CORO2B: variants seen among roughly 807,000 people sequenced by gnomAD.
CORO2B encodes the protein coronin-2B.
A neutral mutation model predicts 58.8 loss-of-function variants in CORO2B; 26 were observed. The observed-to-expected ratio is 0.44, with a 90% CI of 0.32 to 0.61. The LOEUF is 0.61. CORO2B is among the 20% of genes least tolerant of loss of function. CORO2B has a pLI of 0.04. For missense variants in CORO2B, 460 were observed against 645.1 expected (o/e 0.71, Z 3.11); for synonymous variants, 242 against 253.8 (o/e 0.95, Z 0.44).
intron 1 of CORO2B, among the ~76,000 whole-genome samples, chr15:68,580,048 G>C (rs1899387742): frequency 6.6e-6 from 1 of 152,252 alleles, no homozygotes. Flanking sequence ...AGGGAGACCT[G>C]AGTTCAATCC....
At position 68,688,268 on chromosome 15, in the gene CORO2B, A is replaced by C. The variant is rs575166228; in HGVS notation, c.217-6872A>C. ...TGGAAGCTGCTAGTAATATCCAACT[A>C]TTCAGATGTTGTCACTATTAGCATT... On this transcript the variant is annotated intron_variant, in intron 2 of 11. Transcript: ENST00000261861. 4.6e-5 allele frequency among the ~76,000 whole-genome samples: 7 copies of C among 152,338 alleles called. No homozygotes were observed. The South Asian group carries it at 1.5e-3, about 32-fold the overall frequency.
the CORO2B span, among the ~76,000 whole-genome samples, chr15:68,538,503 GC>G: frequency 1.1e-3 from 172 of 152,310 alleles, no homozygotes; most frequent in African/African-American, 4.0e-3. Context: ...CCTGGGCGTT[GC>G]CCTGGCATCC....
At chr15:68,714,178 A>T (rs948143166) in intron 6 of CORO2B, 137 bp downstream of exon 6, 1 of 632,312 alleles carries the variant, frequency 1.6e-6, no homozygotes, top group Admixed American at 2.9e-5. Flanking sequence ...TCAGACAGAG[A>T]CCCCCAGAGG....
chr15:68,704,094 G>A (rs1005710155), intron 3 of CORO2B, among the ~76,000 whole-genome samples: 6 of 149,938 alleles, frequency 4.0e-5, no homozygotes, highest in Non-Finnish European at 7.4e-5. Context: ...ACAAATATTA[G>A]CTGGTCATGG....
At chr15:68,532,692 A>C in the CORO2B span, among the ~76,000 whole-genome samples, 1 of 152,186 alleles carries the variant, frequency 6.6e-6, no homozygotes, top group Non-Finnish European at 1.5e-5. Flanking sequence ...AGTAATTTTT[A>C]ATTAAACTTT....
chr15:68,525,929 C>T, the CORO2B span, among the ~76,000 whole-genome samples: 1 of 152,174 alleles, frequency 6.6e-6, no homozygotes. Flanking sequence ...CTCTTACAAC[C>T]AGCTTAAGGC....
intron 1 of CORO2B, among the ~76,000 whole-genome samples, chr15:68,608,944 G>A (rs1671574308): frequency 6.6e-6 from 1 of 152,210 alleles, no homozygotes; most frequent in Non-Finnish European, 1.5e-5. Context: ...GGAAGAGAGA[G>A]AGAGAGGAGA....
intron 1 of CORO2B, among the ~76,000 whole-genome samples, chr15:68,592,507 A>G (rs1308201982): frequency 6.6e-6 from 1 of 152,206 alleles, no homozygotes; most frequent in Non-Finnish European, 1.5e-5. Flanking sequence ...GCATACATGT[A>G]TAAAAATCTG....
the CORO2B span, among the ~76,000 whole-genome samples, chr15:68,552,685 T>A: frequency 6.6e-6 from 1 of 152,046 alleles, no homozygotes; most frequent in African/African-American, 2.4e-5. Context: ...CTTTCCTCCC[T>A]CTTTCCCTGC....
chr15:68,618,587 G>C (rs1900433201), intron 1 of CORO2B, among the ~76,000 whole-genome samples: 1 of 152,222 alleles, frequency 6.6e-6, no homozygotes, highest in Non-Finnish European at 1.5e-5. Flanking sequence ...TGCTCTTCCT[G>C]GGTTATCACA....
At chr15:68,625,124 G>A (rs772781075) in intron 1 of CORO2B, among the ~76,000 whole-genome samples, 4 of 152,072 alleles carry the variant, frequency 2.6e-5, no homozygotes, top group Non-Finnish European at 5.9e-5. Context: ...TGCAATGGGC[G>A]GTCCGAGCAT....
At chr15:68,646,969 G>C (rs1901452838) in intron 2 of CORO2B, among the ~76,000 whole-genome samples, 1 of 152,156 alleles carries the variant, frequency 6.6e-6, no homozygotes, top group Non-Finnish European at 1.5e-5. Flanking sequence ...CAGGCCTGCA[G>C]GTCCCCAGGA....
chr15:68,550,044 T>C, the CORO2B span, among the ~76,000 whole-genome samples: 1 of 152,146 alleles, frequency 6.6e-6, no homozygotes, highest in Non-Finnish European at 1.5e-5. Context: ...GTTCTTTGCT[T>C]CCTGCTTCCT....
At chr15:68,544,405 A>G in the CORO2B span, among the ~76,000 whole-genome samples, 693 of 152,176 alleles carry the variant, frequency 4.6e-3, 6 homozygotes, top group African/African-American at 0.016. Flanking sequence ...GGTCTGAGCG[A>G]CTCACTAAGA....
chr15:68,700,734 C>T (rs902718430), intron 3 of CORO2B, among the ~76,000 whole-genome samples: 2 of 152,196 alleles, frequency 1.3e-5, no homozygotes, highest in African/African-American at 2.4e-5. Flanking sequence ...GGCTGGCAGG[C>T]GGCAGGGAAG....
At chr15:68,637,837 T>TA (rs939777919) in intron 1 of CORO2B, among the ~76,000 whole-genome samples, 1 of 152,082 alleles carries the variant, frequency 6.6e-6, no homozygotes, top group African/African-American at 2.4e-5. Context: ...AGTCAGAAAC[T>TA]AAAAAAACTG....
intron 2 of CORO2B, among the ~76,000 whole-genome samples, chr15:68,647,379 T>C (rs899874590): frequency 1.3e-5 from 2 of 151,950 alleles, no homozygotes; most frequent in African/African-American, 4.8e-5. Context: ...TATAAAGAGT[T>C]CCAGAAAAAT....
In CORO2B at chr15:68,727,770, G is replaced by T. The variant is rs906802996; in HGVS notation, c.*1796G>T. 1.3e-5 allele frequency: 2 copies of T among 152,398 alleles called. No homozygotes were observed. The highest frequency in any genetic ancestry group is 1.3e-4 in the Admixed American group (2 of 15,254). The allele number at this position is 152,398 out of a possible 1,614,324, so 9.4% of individuals were successfully genotyped here. On this transcript the variant is annotated 3_prime_UTR_variant, in exon 12 of 12. Transcript: ENST00000261861. ...TGTGATTATTTATGCTGCCTCCCAA[G>T]GATAGAATTGAAATAAAATGTTTTC...
intron 2 of CORO2B, among the ~76,000 whole-genome samples, chr15:68,646,627 C>A (rs1901438256): frequency 6.6e-6 from 1 of 152,180 alleles, no homozygotes; most frequent in Non-Finnish European, 1.5e-5. Flanking sequence ...TCTGCCCTTG[C>A]CAGACTTGGG....
Sources: gnomAD v4.1 joint callset for allele counts (sites outside exome capture counted in the v4.1 genomes callset) on GRCh38, gnomAD v4.1.1 for gene constraint, MANE v1.5 for transcripts, NCBI Gene and HGNC (gene_info 2026-07-23, HGNC 2026-07-21) for gene names.